Variants in CELSR1 observed in about 807,000 individuals in gnomAD.
The protein encoded by CELSR1 is cadherin EGF LAG seven-pass G-type receptor 1, also known as adhesion G protein-coupled receptor C1.
CELSR1 carries 110 observed loss-of-function variants against 249.1 expected under a neutral mutation model. The ratio of observed to expected loss-of-function variants is 0.44; its 90% CI spans 0.38 to 0.52. The LOEUF (loss-of-function observed/expected upper bound fraction) is 0.52. CELSR1 is among the 20% of genes least tolerant of loss of function. The pLI is 0.00. For synonymous variants in CELSR1, 2,113 were observed against 1,900.0 expected, an observed-to-expected ratio of 1.11 and a Z score of -2.92; for missense variants, 4,109 against 4,296.4, an observed-to-expected ratio of 0.96 and a Z score of 1.22.
At chr22:46,384,951 T>C (rs565784337) in intron 19 of CELSR1, among the ~76,000 whole-genome samples, 5 of 151,760 alleles carry the variant, frequency 3.3e-5, no homozygotes, top group African/African-American at 1.2e-4. Context: ...CCACCACGCC[T>C]GGCTAATTTT....
At chr22:46,388,421 C>T (rs1030615581) in intron 18 of CELSR1, among the ~76,000 whole-genome samples, 5 of 152,114 alleles carry the variant, frequency 3.3e-5, no homozygotes, top group African/African-American at 9.7e-5. Flanking sequence ...GGAGAACAAA[C>T]GCCACTGGCC....
rs2080295061 is a variant in CELSR1, at chr22:46,484,387, T to C, written c.3545-20042A>G. 6.6e-6 allele frequency among the ~76,000 whole-genome samples: 1 copy of C among 152,114 alleles called. No individual in the cohort carries two copies. Among genetic ancestry groups the C allele is most frequent in the African/African-American group, 2.4e-5 (1 of 41,452 alleles). ...CTCCTCAGAAATGCAGGCTGCAGCA[T>C]CTGCCAGGAACTTGGAGGAGCCACC... On this transcript the variant is annotated intron_variant, in intron 1 of 34. Transcript: ENST00000674500. The surrounding 1 kb of genome is among the most constrained non-coding windows in gnomAD (Gnocchi z 4.5).
In CELSR1 at chr22:46,391,825, GC is replaced by G; in HGVS notation, c.5965-10del. ...AGCTTGTAGTAATTCTCCTGCAAAAGCCAGAGGCAGGGCCTGTGACTTCAGA... is the reference window on the plus strand; with the variant it reads ...AGCTTGTAGTAATTCTCCTGCAAAAGCAGAGGCAGGGCCTGTGACTTCAGA... On this transcript the variant is annotated splice_polypyrimidine_tract_variant and intron_variant, in intron 14 of 34. Transcript: ENST00000674500. This position sits in a 1 kb window ranked among gnomAD's most constrained non-coding sequence, Gnocchi z 4.3. The G allele has an allele frequency of 6.2e-7, 1 of 1,607,408 alleles. No homozygotes were observed. The highest frequency in any genetic ancestry group is 1.1e-5 in the South Asian group (1 of 89,926).
At chr22:46,533,478 G>C in intron 1 of CELSR1, 149 bp downstream of exon 1, 1 of 1,203,712 alleles carries the variant, frequency 8.3e-7, no homozygotes, top group Non-Finnish European at 1.1e-6. Flanking sequence ...CCCACCCCCA[G>C]CATCCAACCG....
intron 19 of CELSR1, 150 bp downstream of exon 19, chr22:46,386,252 G>T: frequency 1.2e-6 from 1 of 867,716 alleles, no homozygotes; most frequent in Non-Finnish European, 1.7e-6. Flanking sequence ...TTACAGGTAT[G>T]AGCCACTGTG....
In CELSR1 at chr22:46,526,001, C is replaced by G. The variant is rs996276561; in HGVS notation, c.3544+7626G>C. ...GAGTTTCACCTGCCTGCTACTTCAC[C>G]TAGACTTTTAAAAATGGTCTCTCAA... On this transcript the variant is annotated intron_variant, in intron 1 of 34. Coordinates refer to ENST00000674500, the MANE Select transcript of CELSR1 (RefSeq NM_001378328.1). The surrounding 1 kb of genome is among the most constrained non-coding windows in gnomAD (Gnocchi z 4.7). Among the ~76,000 whole-genome samples the G allele has an allele frequency of 5.3e-5, 8 of 152,260 alleles. No homozygotes were observed. Among genetic ancestry groups the G allele is most frequent in the African/African-American group, 1.9e-4 (8 of 41,468 alleles).
At chr22:46,458,328 T>C (rs545285084) in intron 2 of CELSR1, among the ~76,000 whole-genome samples, 124 of 152,182 alleles carry the variant, frequency 8.1e-4, no homozygotes, top group Non-Finnish European at 1.4e-3. Flanking sequence ...TGAACACTGA[T>C]GTGACAAATG....
intron 1 of CELSR1, among the ~76,000 whole-genome samples, chr22:46,523,436 G>A (rs945929159): frequency 2.0e-5 from 3 of 152,022 alleles, no homozygotes; most frequent in African/African-American, 7.3e-5. Flanking sequence ...GCAGAGGCAC[G>A]AGAATCGCTT....
intron 29 of CELSR1, 95 bp downstream of exon 29, chr22:46,366,898 G>GGGCC: frequency 6.8e-7 from 1 of 1,469,216 alleles, no homozygotes; most frequent in Non-Finnish European, 9.0e-7. Context: ...AGGGGCATAC[G>GGGCC]GGCCGCAGGA....
chr22:46,436,401 G>T lies in CELSR1; in HGVS notation c.4407-112C>A, dbSNP rs147477520. The T allele has an allele frequency of 2.5e-3, 1,701 of 685,110 alleles. 5 individuals carry two copies. The highest frequency in any genetic ancestry group is 3.9e-3 in the Non-Finnish European group (1,498 of 387,746). 42.4% of individuals were successfully genotyped at this position (685,110 alleles called of 1,614,324 possible). A position where few individuals can be genotyped will look rare whatever the true frequency, so the allele number is the denominator to read the frequency against. ...GCAAGCACGTGGGGCTACGATTCAG[G>T]AAAGAATGGTGTCAGGCATGCGTCC... On this transcript the variant is annotated intron_variant, in intron 3 of 34. Coordinates refer to ENST00000674500, the MANE Select transcript of CELSR1 (RefSeq NM_001378328.1). The surrounding 1 kb of genome is among the most constrained non-coding windows in gnomAD (Gnocchi z 5.9).
intron 2 of CELSR1, among the ~76,000 whole-genome samples, chr22:46,458,622 C>T (rs1034625606): frequency 2.0e-5 from 3 of 152,146 alleles, no homozygotes; most frequent in Non-Finnish European, 4.4e-5. Flanking sequence ...CTGGGGACAC[C>T]CTCCAGGGGA....
At chr22:46,384,116 A>G (rs2079007229) in intron 20 of CELSR1, among the ~76,000 whole-genome samples, 1 of 151,748 alleles carries the variant, frequency 6.6e-6, no homozygotes, top group Admixed American at 6.6e-5. Flanking sequence ...TGTATTTTTT[A>G]GTAGAGACGG....
At chr22:46,439,068 C>T in intron 3 of CELSR1, 121 bp downstream of exon 3, 2 of 991,932 alleles carry the variant, frequency 2.0e-6, no homozygotes, top group Non-Finnish European at 1.5e-6. Flanking sequence ...TGGAGCTACT[C>T]AACTATCAAA....
Position 46,393,827 on chromosome 22 carries a change from G to A in CELSR1, c.5964+315C>T, listed in dbSNP as rs1024162548. On this transcript the variant is annotated intron_variant, in intron 14 of 34. Coordinates refer to ENST00000674500, the MANE Select transcript of CELSR1 (RefSeq NM_001378328.1). The surrounding 1 kb of genome is among the most constrained non-coding windows in gnomAD (Gnocchi z 4.1). ...CATAGATGAGCCAGCCCTCAGAAACGGGTGGGCTTCCCACAGCCATGGGCA... is the reference window on the plus strand; with the variant it reads ...CATAGATGAGCCAGCCCTCAGAAACAGGTGGGCTTCCCACAGCCATGGGCA... Among the ~76,000 whole-genome samples the A allele has an allele frequency of 3.9e-5, 6 of 152,216 alleles. No homozygotes were observed. Among genetic ancestry groups the A allele is most frequent in the Non-Finnish European group, 7.3e-5 (5 of 68,034 alleles).
chr22:46,404,808 A>G (rs2079247867), intron 9 of CELSR1, among the ~76,000 whole-genome samples: 1 of 151,796 alleles, frequency 6.6e-6, no homozygotes, highest in South Asian at 2.1e-4. Flanking sequence ...TTTTAAGAAG[A>G]TAACTTTTCA....
rs1406133396 is a variant in CELSR1, at chr22:46,374,816, G to A, written c.7585-1759C>T. Among the ~76,000 whole-genome samples, 1 of 152,184 alleles carries A rather than the reference G, an allele frequency of 6.6e-6. No homozygotes were observed. Among genetic ancestry groups the A allele is most frequent in the Non-Finnish European group, 1.5e-5 (1 of 68,042 alleles). ...CGTGCCCATTGCGGGGATGCGCCCG[G>A]CTGCGGATGTGAAGAAACCCCTCCG... On this transcript the variant is annotated intron_variant, in intron 24 of 34. Coordinates refer to ENST00000674500, the MANE Select transcript of CELSR1 (RefSeq NM_001378328.1). The surrounding 1 kb of genome is among the most constrained non-coding windows in gnomAD (Gnocchi z 4.3).
intron 1 of CELSR1, among the ~76,000 whole-genome samples, chr22:46,524,541 C>CGT (rs71192413): frequency 0.032 from 2,456 of 77,828 alleles, 30 homozygotes; most frequent in African/African-American, 0.085. Context: ...CCGTTGTGTG[C>CGT]GTGTGTGTGT....
chr22:46,384,628 G>A lies in CELSR1; in HGVS notation c.6798C>T (p.Phe2266=), dbSNP rs1479733830. 2 of 1,613,592 alleles carry A rather than the reference G, an allele frequency of 1.2e-6. No individual in the cohort carries two copies. Among genetic ancestry groups the A allele is most frequent in the Middle Eastern group, 1.6e-4 (1 of 6,084 alleles). The change falls in exon 20 of 35, where the codon TTC becomes TTT. Residue 2266 remains phenylalanine (F), a synonymous_variant. Transcript: ENST00000674500. ...TGGGGAACTCTTCATGGATGGTGTC[G>A]AATCGCGGGACCCTGGCTCCCGTAA... The part of the protein sequence containing the change: ...FNFTGARVPR[F]DTIHEEFPRE...
chr22:46,422,882 G>A (rs776835044), intron 5 of CELSR1, among the ~76,000 whole-genome samples: 10 of 152,170 alleles, frequency 6.6e-5, no homozygotes, highest in East Asian at 1.9e-4. Context: ...AAAGGAACAC[G>A]AAATCCACCT....
Sources: gnomAD v4.1 joint callset for allele counts (sites outside exome capture counted in the v4.1 genomes callset) on GRCh38, gnomAD v4.1.1 for gene constraint, Gnocchi (gnomAD v3.1) non-coding constraint, MANE v1.5 for transcripts, NCBI Gene and HGNC (gene_info 2026-07-23, HGNC 2026-07-21) for gene names.